PPP1R15B: variants seen among roughly 807,000 people sequenced by gnomAD.
PPP1R15B encodes protein phosphatase 1 regulatory subunit 15B.
In PPP1R15B, 31 loss-of-function variants were observed where a neutral mutation model predicts 53.9. The ratio of observed to expected loss-of-function variants is 0.58; its 90% confidence interval spans 0.43 to 0.78. The LOEUF (loss-of-function observed/expected upper bound fraction) is 0.78, where lower values mean the gene tolerates loss of function less well. PPP1R15B is among the 30% of genes least tolerant of loss of function. The pLI, the probability that PPP1R15B is intolerant of heterozygous loss-of-function variation, is 0.00. For missense variants in PPP1R15B, 928 were observed against 849.6 expected, an observed-to-expected ratio of 1.09 and a Z score of -1.15; for synonymous variants, 345 against 329.1, an observed-to-expected ratio of 1.05 and a Z score of -0.52.
downstream of PPP1R15B, among the ~76,000 whole-genome samples, chr1:204,397,590 G>A (rs1251974367): frequency 1.3e-5 from 2 of 152,078 alleles, no homozygotes; most frequent in East Asian, 1.9e-4. Context: ...AGTATGTGAG[G>A]TAATACATGT....
rs775160579 is a variant in PPP1R15B at position 204,410,009 on chromosome 1, A to G, written c.1403T>C (p.Leu468Pro). The change falls in exon 1 of 2, where the codon CTT becomes CCT. Residue 468 changes from leucine to proline, a missense_variant. By Grantham distance (98) the Leu-to-Pro change is moderately conservative. Coordinates refer to ENST00000367188, the MANE Select transcript of PPP1R15B (RefSeq NM_032833.5). The part of the protein sequence containing the change: ...DSDSSLSDSD[L>P]EQDPEGLHLW... The stretch of plus-strand genomic sequence containing the variant: ...GTGAAGCCCTTCAGGGTCTTGTTCA[A>G]GGTCTGAGTCTGACAGTGAGCTATC... 2 of 1,614,200 alleles carry G rather than the reference A, an allele frequency of 1.2e-6. No individual in the cohort carries two copies. The highest frequency in any genetic ancestry group is 4.5e-5 in the East Asian group (2 of 44,888).
At chr1:204,396,270 G>C (rs1674098975), downstream of PPP1R15B, among the ~76,000 whole-genome samples, 1 of 151,456 alleles carries the variant, frequency 6.6e-6, no homozygotes, top group African/African-American at 2.4e-5. Flanking sequence ...CATGTTGGGA[G>C]GCCAAAACAG....
chr1:204,403,827 G>C lies in PPP1R15B; in HGVS notation c.*2265C>G, dbSNP rs1572252346. ...TCTCCTTCAGTCCAACTTTAAAATAGTCCTTTCTGTCCTTCTTATCACCTT... is the reference window on the plus strand; with the variant it reads ...TCTCCTTCAGTCCAACTTTAAAATACTCCTTTCTGTCCTTCTTATCACCTT... On this transcript the variant is annotated 3_prime_UTR_variant, in exon 2 of 2. Transcript: ENST00000367188. 2.0e-6 allele frequency: 2 copies of C among 985,764 alleles called. No homozygotes were observed. Among genetic ancestry groups the C allele is most frequent in the African/African-American group, 3.5e-5 (2 of 57,340 alleles). The allele number at this position is 985,764 out of a possible 1,614,324, so 61.1% of individuals were successfully genotyped here.
chr1:204,411,365 G>A lies in PPP1R15B; in HGVS notation c.47C>T (p.Ala16Val), dbSNP rs1479359138. ...AAAGGGTGGCCAGAACCGGAAGCCC[G>A]CCCGAGGGCCAAGCCGTTTCCGCGA... is the stretch of plus-strand genomic sequence containing the variant. The part of the protein sequence containing the change: ...GGSRKRLGPR[A>V]GFRFWPPFFP... The change falls in exon 1 of 2, where the codon GCG (alanine) becomes GTG (valine). Residue 16 changes from alanine to valine, a missense_variant. Physicochemically the swap from Ala to Val is moderately conservative, Grantham distance 64. Transcript: ENST00000367188. 6.2e-7 allele frequency: 1 copy of A among 1,613,500 alleles called. No individual in the cohort carries two copies. Among genetic ancestry groups the A allele is most frequent in the South Asian group, 1.1e-5 (1 of 91,074 alleles).
At position 204,410,478 on chromosome 1, in the gene PPP1R15B, C is replaced by T; in HGVS notation, c.934G>A (p.Asp312Asn). 6.2e-7 allele frequency: 1 copy of T among 1,614,148 alleles called. No individual in the cohort carries two copies. Among genetic ancestry groups the T allele is most frequent in the South Asian group, 1.1e-5 (1 of 91,076 alleles). ...TTATCCTGGTCAGGGGTGGGTAAAT[C>T]TTGCCCCTTGCTAGCCTGTTGAAGG... Reference protein sequence around the residue: ...EFLQQASKGQDLPTPDQDNGY... With the variant: ...EFLQQASKGQNLPTPDQDNGY... Residue 312 changes from aspartate to asparagine, a missense_variant, in exon 1 of 2, where the codon GAT (aspartate) becomes AAT (asparagine). Physicochemically the swap from Asp to Asn is conservative, Grantham distance 23. Transcript: ENST00000367188.
At position 204,409,793 on chromosome 1, in the gene PPP1R15B, T is replaced by C; in HGVS notation, c.1619A>G (p.Glu540Gly). 2.5e-6 allele frequency: 4 copies of C among 1,614,164 alleles called. No homozygotes were observed. The highest frequency in any genetic ancestry group is 1.7e-6 in the Non-Finnish European group (2 of 1,180,018). ...ATCTGCACTAGATTCCCAGTCATCTTCCTCCCCAGAACTATGCTCAGGGGT... is the reference window on the plus strand; with the variant it reads ...ATCTGCACTAGATTCCCAGTCATCTCCCTCCCCAGAACTATGCTCAGGGGT... ...PETPEHSSGE[E>G]DDWESSADEA... The change falls in exon 1 of 2, where the codon GAA (glutamate) becomes GGA (glycine). Residue 540 changes from glutamate to glycine, a missense_variant. Transcript: ENST00000367188.
Position 204,411,743 on chromosome 1 carries a change from T to C in PPP1R15B, c.-332A>G, listed in dbSNP as rs1674385283. 4 of 398,088 alleles carry C rather than the reference T, an allele frequency of 1.0e-5. No individual in the cohort carries two copies. In the South Asian group the frequency reaches 1.1e-4, roughly 11 times the overall value. The allele number at this position is 398,088 out of a possible 1,614,324, so 24.7% of individuals were successfully genotyped here. A position where few individuals can be genotyped will look rare whatever the true frequency, so the allele number is the denominator to read the frequency against. ...GATGGTTTTCCGACTGACAGAGGGT[T>C]GAAAAGCCCCTGAGCAACGCGATAC... On this transcript the variant is annotated 5_prime_UTR_variant, in exon 1 of 2. Coordinates refer to ENST00000367188, the MANE Select transcript of PPP1R15B (RefSeq NM_032833.5).
At position 204,411,610 on chromosome 1, in the gene PPP1R15B, C is replaced by T. The variant is rs1674381892; in HGVS notation, c.-199G>A. 7.4e-6 allele frequency: 5 copies of T among 671,828 alleles called. No homozygotes were observed. In the South Asian group the frequency reaches 9.6e-5, roughly 13 times the overall value. 41.6% of individuals were successfully genotyped at this position (671,828 alleles called of 1,614,324 possible). A position where few individuals can be genotyped will look rare whatever the true frequency, so the allele number is the denominator to read the frequency against. On this transcript the variant is annotated 5_prime_UTR_variant, in exon 1 of 2. Coordinates refer to ENST00000367188, the MANE Select transcript of PPP1R15B (RefSeq NM_032833.5). ...CGGCAGAACACAGGGAAGAACAGCC[C>T]GCGCAATAGGCGGCGACTGATGCGA... is the stretch of plus-strand genomic sequence containing the variant.
Position 204,409,885 on chromosome 1 carries a change from A to G in PPP1R15B, c.1527T>C (p.Asp509=), listed in dbSNP as rs1195363691. Residue 509 remains aspartate (D), a synonymous_variant, in exon 1 of 2, where the codon GAT becomes GAC. Coordinates refer to ENST00000367188, the MANE Select transcript of PPP1R15B (RefSeq NM_032833.5). The part of the protein sequence containing the change: ...AARIVPEEPS[D]SEKDLSGKSD... ...ACTTGCCAGACAAATCCTTCTCTGA[A>G]TCAGAAGGCTCTTCAGGAACAATTC... 1.2e-6 allele frequency: 2 copies of G among 1,614,106 alleles called. No individual in the cohort carries two copies. Among genetic ancestry groups the G allele is most frequent in the South Asian group, 1.1e-5 (1 of 91,074 alleles).
chr1:204,411,590 G>A lies in PPP1R15B; in HGVS notation c.-179C>T, dbSNP rs1375638375. 3.8e-6 allele frequency: 3 copies of A among 786,822 alleles called. No individual in the cohort carries two copies. Among genetic ancestry groups the A allele is most frequent in the Non-Finnish European group, 6.0e-6 (3 of 501,448 alleles). 48.7% of individuals were successfully genotyped at this position (786,822 alleles called of 1,614,324 possible). A position where few individuals can be genotyped will look rare whatever the true frequency, so the allele number is the denominator to read the frequency against. ...GCAGCGAATGCGGCAGCGGGCGGCA[G>A]AACACAGGGAAGAACAGCCCGCGCA... On this transcript the variant is annotated 5_prime_UTR_variant, in exon 1 of 2. Coordinates refer to ENST00000367188, the MANE Select transcript of PPP1R15B (RefSeq NM_032833.5).
chr1:204,397,359 C>T (rs1046120968), downstream of PPP1R15B, among the ~76,000 whole-genome samples: 6 of 152,014 alleles, frequency 3.9e-5, no homozygotes, highest in African/African-American at 1.4e-4. Flanking sequence ...AAACCTGTCT[C>T]TACTAAAATA....
In PPP1R15B at chr1:204,405,794, A is replaced by T; in HGVS notation, c.*298T>A. On this transcript the variant is annotated 3_prime_UTR_variant, in exon 2 of 2. Transcript: ENST00000367188. ...AAATAAGTTTTGAAAGTGCAAAATG[A>T]CAACTCAAAAAGGTCCCCTTTCCAC... The T allele has an allele frequency of 9.3e-7, 1 of 1,078,988 alleles. No homozygotes were observed. 66.8% of individuals were successfully genotyped at this position (1,078,988 alleles called of 1,614,324 possible).
In PPP1R15B at chr1:204,404,057, G is replaced by T. The variant is rs1172525253; in HGVS notation, c.*2035C>A. On this transcript the variant is annotated 3_prime_UTR_variant, in exon 2 of 2. Transcript: ENST00000367188. ...TCTCGGAAATAAAATGTTTCAGCCTGGTTTTAAAAGAATGCCTGTATGTTG... is the reference window on the plus strand; with the variant it reads ...TCTCGGAAATAAAATGTTTCAGCCTTGTTTTAAAAGAATGCCTGTATGTTG... 1.0e-6 allele frequency: 1 copy of T among 985,270 alleles called. No individual in the cohort carries two copies. Among genetic ancestry groups the T allele is most frequent in the African/African-American group, 1.7e-5 (1 of 57,230 alleles). 61.0% of individuals were successfully genotyped at this position (985,270 alleles called of 1,614,324 possible).
chr1:204,409,164 C>T (rs983568571), intron 1 of PPP1R15B, among the ~76,000 whole-genome samples: 3 of 152,152 alleles, frequency 2.0e-5, no homozygotes, highest in Non-Finnish European at 4.4e-5. Flanking sequence ...ATCGTGTACA[C>T]ACAAAGTTTA....
chr1:204,411,068 G>A lies in PPP1R15B; in HGVS notation c.344C>T (p.Pro115Leu). Residue 115 changes from proline to leucine, a missense_variant, in exon 1 of 2, where the codon CCA becomes CTA. Transcript: ENST00000367188. The stretch of plus-strand genomic sequence containing the variant: ...AGATTTCTGCGCTGTGGGGGCGGCT[G>A]GTTTCTCCCGTCCCTTCAGGGCTCT... ...ALRALKGREK[P>L]AAPTAQKSLS... The A allele has an allele frequency of 1.2e-6, 2 of 1,614,230 alleles. No homozygotes were observed. The highest frequency in any genetic ancestry group is 2.2e-5 in the South Asian group (2 of 91,086).
chr1:204,410,491 A>G lies in PPP1R15B; in HGVS notation c.921T>C (p.Ala307=). 1 of 1,614,150 alleles carries G rather than the reference A, an allele frequency of 6.2e-7. No homozygotes were observed. Among genetic ancestry groups the G allele is most frequent in the Non-Finnish European group, 8.5e-7 (1 of 1,180,026 alleles). Reference sequence around the variant, plus strand: ...GGGTGGGTAAATCTTGCCCCTTGCTAGCCTGTTGAAGGAATTCCAGCCGTT... The same window carrying G: ...GGGTGGGTAAATCTTGCCCCTTGCTGGCCTGTTGAAGGAATTCCAGCCGTT... ...RMKRLEFLQQ[A]SKGQDLPTPD... Residue 307 remains alanine (A), a synonymous_variant, in exon 1 of 2, where the codon GCT becomes GCC. Coordinates refer to ENST00000367188, the MANE Select transcript of PPP1R15B (RefSeq NM_032833.5).
In PPP1R15B at chr1:204,405,466, A is replaced by G; in HGVS notation, c.*626T>C. The G allele has an allele frequency of 1.0e-6, 1 of 983,412 alleles. No homozygotes were observed. The highest frequency in any genetic ancestry group is 1.2e-6 in the Non-Finnish European group (1 of 828,112). The allele number at this position is 983,412 out of a possible 1,614,324, so 60.9% of individuals were successfully genotyped here. ...GGCAGTCCTTGGAAATATCCTAGGT[A>G]GAACTTAATGTAGAAATAAAAAGGC... On this transcript the variant is annotated 3_prime_UTR_variant, in exon 2 of 2. Coordinates refer to ENST00000367188, the MANE Select transcript of PPP1R15B (RefSeq NM_032833.5).
chr1:204,407,376 A>G (rs1389514169), intron 1 of PPP1R15B, among the ~76,000 whole-genome samples: 1 of 151,964 alleles, frequency 6.6e-6, no homozygotes, highest in Non-Finnish European at 1.5e-5. Context: ...TGATTCTAAT[A>G]TACATAATGA....
At position 204,409,829 on chromosome 1, in the gene PPP1R15B, C is replaced by A; in HGVS notation, c.1583G>T (p.Ser528Ile). 1 of 1,614,182 alleles carries A rather than the reference C, an allele frequency of 6.2e-7. No homozygotes were observed. The highest frequency in any genetic ancestry group is 8.5e-7 in the Non-Finnish European group (1 of 1,180,024). Reference protein sequence around the residue: ...SDLENSSQSGSLPETPEHSSG... With the variant: ...SDLENSSQSGILPETPEHSSG... ...ACTATGCTCAGGGGTCTCAGGAAGG[C>A]TTCCAGACTGGGAGGAATTCTCTAG... The change falls in exon 1 of 2, where the codon AGC becomes ATC. Residue 528 changes from serine (S) to isoleucine (I), a missense_variant. Ser to Ile is a moderately radical substitution (Grantham distance 142). Transcript: ENST00000367188.
Sources: gnomAD v4.1 joint callset for allele counts (sites outside exome capture counted in the v4.1 genomes callset) on GRCh38, gnomAD v4.1.1 for gene constraint, MANE v1.5 for transcripts, NCBI Gene and HGNC (gene_info 2026-07-23, HGNC 2026-07-21) for gene names.